The following DPP10 variants were observed in gnomAD, a reference collection of about 807,000 sequenced individuals.
DPP10 encodes the protein dipeptidyl peptidase like 10, also known as inactive dipeptidyl peptidase 10.
In DPP10, 33 loss-of-function variants were observed where a neutral mutation model predicts 120.9. That is an observed-to-expected ratio of 0.27 (90% CI 0.21 to 0.37). The LOEUF is 0.37. Among genes scored for constraint, DPP10 ranks in the 10% least tolerant of loss-of-function variants. DPP10 has a pLI of 1.00. For missense variants in DPP10, 816 were observed against 942.8 expected (o/e 0.87, Z 1.76); for synonymous variants, 337 against 326.1 (o/e 1.03, Z -0.36).
chr2:115,228,813 AT>A (rs1169899564), intron 1 of DPP10, among the ~76,000 whole-genome samples: 2 of 152,114 alleles, frequency 1.3e-5, no homozygotes, highest in Non-Finnish European at 2.9e-5. Context: ...AATTTTGGCT[AT>A]TTTGAATAGG....
intron 4 of DPP10, among the ~76,000 whole-genome samples, chr2:115,510,887 CT>C (rs1306946908): frequency 6.6e-6 from 1 of 151,928 alleles, no homozygotes; most frequent in Non-Finnish European, 1.5e-5. Context: ...TATTTTATTG[CT>C]TTTGTGGCCA....
intron 1 of DPP10, among the ~76,000 whole-genome samples, chr2:115,271,658 A>G (rs1174633498): frequency 2.0e-5 from 3 of 152,186 alleles, no homozygotes; most frequent in East Asian, 1.9e-4. Context: ...GGTAAAATAT[A>G]TCTTGGAAAA....
At chr2:115,666,490 A>G (rs2089463717) in intron 5 of DPP10, among the ~76,000 whole-genome samples, 2 of 152,118 alleles carry the variant, frequency 1.3e-5, no homozygotes, top group South Asian at 2.1e-4. Flanking sequence ...CACCTGGGGA[A>G]TTGCAATTCA....
At position 115,273,802 on chromosome 2, in the gene DPP10, C is replaced by A. The variant is rs150665751; in HGVS notation, c.61-35437C>A. On this transcript the variant is annotated intron_variant, in intron 1 of 25. Transcript: ENST00000410059. Reference sequence around the variant, plus strand: ...TGGAGCCCAGTACCAAACACTGATCCTAAAGATTGAATTTGGAACGAGGCC... The same window carrying A: ...TGGAGCCCAGTACCAAACACTGATCATAAAGATTGAATTTGGAACGAGGCC... 7.9e-5 allele frequency among the ~76,000 whole-genome samples: 12 copies of A among 152,284 alleles called. No homozygotes were observed. In the East Asian group the frequency reaches 2.3e-3, roughly 29 times the overall value.
rs550576729 is a variant in DPP10, at chr2:114,559,611, C to T, written c.60+116773C>T. Among the ~76,000 whole-genome samples the T allele has an allele frequency of 3.3e-5, 5 of 152,276 alleles. 1 individual carries two copies. The highest frequency in any genetic ancestry group is 1.2e-4 in the African/African-American group (5 of 41,556). ...TGAACCCTACCCACTCTAGCTCTCTCGCCATCCCTGTTCCCTATTAGCTAG... is the reference window on the plus strand; with the variant it reads ...TGAACCCTACCCACTCTAGCTCTCTTGCCATCCCTGTTCCCTATTAGCTAG... On this transcript the variant is annotated intron_variant, in intron 1 of 25. Coordinates refer to ENST00000410059, the MANE Select transcript of DPP10 (RefSeq NM_020868.6).
chr2:115,123,206 A>G (rs1253942474), intron 1 of DPP10, among the ~76,000 whole-genome samples: 1 of 152,180 alleles, frequency 6.6e-6, no homozygotes, highest in Non-Finnish European at 1.5e-5. Context: ...TTGTAGCGGG[A>G]CCAAAAGTTT....
chr2:114,971,548 A>G (rs1036765468), intron 1 of DPP10, among the ~76,000 whole-genome samples: 1 of 152,218 alleles, frequency 6.6e-6, no homozygotes, highest in African/African-American at 2.4e-5. Flanking sequence ...ACAGAGATGT[A>G]AATGGGTGCC....
chr2:115,153,622 C>A (rs182923907), intron 1 of DPP10, among the ~76,000 whole-genome samples: 2 of 152,210 alleles, frequency 1.3e-5, no homozygotes, highest in East Asian at 3.9e-4. Context: ...CTAGCCTAAA[C>A]CCATGCTGTC....
intron 1 of DPP10, among the ~76,000 whole-genome samples, chr2:115,212,355 A>G (rs1183823182): frequency 6.6e-6 from 1 of 152,190 alleles, no homozygotes; most frequent in African/African-American, 2.4e-5. Context: ...GACATGCACC[A>G]GTGTTTCTCT....
At position 114,481,149 on chromosome 2, in the gene DPP10, AAGT is replaced by A. The variant is rs1378240211; in HGVS notation, c.60+38317_60+38319del. Among the ~76,000 whole-genome samples the A allele has an allele frequency of 3.3e-5, 5 of 152,232 alleles. No individual in the cohort carries two copies. In the East Asian group the frequency reaches 7.7e-4, roughly 24 times the overall value. On this transcript the variant is annotated intron_variant, in intron 1 of 25. Transcript: ENST00000410059. The stretch of plus-strand genomic sequence containing the variant: ...AATGTACTACATCAAACTAAAAAAA[AAGT>A]AGTAGAAGTATTTGCAAACTACGTA...
At chr2:114,690,606 C>T (rs575534632) in intron 1 of DPP10, among the ~76,000 whole-genome samples, 1 of 152,114 alleles carries the variant, frequency 6.6e-6, no homozygotes, top group African/African-American at 2.4e-5. Flanking sequence ...AATATTTTTT[C>T]TAATTCTGTG....
At chr2:115,350,186 A>G (rs891387504) in intron 3 of DPP10, among the ~76,000 whole-genome samples, 7 of 152,118 alleles carry the variant, frequency 4.6e-5, no homozygotes, top group African/African-American at 1.7e-4. Context: ...TATTTAAAAT[A>G]TTAGTGACAT....
intron 1 of DPP10, among the ~76,000 whole-genome samples, chr2:114,495,987 A>T (rs1682482043): frequency 1.3e-5 from 2 of 152,186 alleles, no homozygotes; most frequent in Admixed American, 1.3e-4. Context: ...ACTGATCCTG[A>T]TATCATTTGT....
At chr2:114,529,247 T>C (rs1685754854) in intron 1 of DPP10, among the ~76,000 whole-genome samples, 1 of 152,170 alleles carries the variant, frequency 6.6e-6, no homozygotes, top group African/African-American at 2.4e-5. Flanking sequence ...ACTCCTTTGC[T>C]ACATTTTCTT....
At chr2:114,462,035 G>A (rs2104569895) in intron 1 of DPP10, 1 of 985,356 alleles carries the variant, frequency 1.0e-6, no homozygotes, top group Admixed American at 6.1e-5. Flanking sequence ...TCGCAGTTGA[G>A]AGAAAACTGG....
At chr2:115,020,584 G>A (rs747262544) in intron 1 of DPP10, among the ~76,000 whole-genome samples, 38 of 152,156 alleles carry the variant, frequency 2.5e-4, no homozygotes, top group African/African-American at 7.2e-4. Flanking sequence ...ATACTCCACC[G>A]TCAGCACTAG....
intron 1 of DPP10, among the ~76,000 whole-genome samples, chr2:114,856,777 TG>T (rs1689403777): frequency 6.6e-6 from 1 of 152,156 alleles, no homozygotes; most frequent in Non-Finnish European, 1.5e-5. Context: ...ATCTTAGCGG[TG>T]GCCATATGGG....
chr2:115,062,432 A>G (rs573092733), intron 1 of DPP10, among the ~76,000 whole-genome samples: 1 of 152,328 alleles, frequency 6.6e-6, no homozygotes, highest in East Asian at 1.9e-4. Context: ...TTTGTTACAT[A>G]GGTAAACATG....
Position 115,814,791 on chromosome 2 carries a change from A to C in DPP10, c.1701-2A>C. ...TTTGGTCCAATATGTTGGTATTTGC[A>C]GGGATGAAGAACCAGGAGGCCAGCT... is the stretch of plus-strand genomic sequence containing the variant. On this transcript the variant is annotated splice_acceptor_variant, in intron 19 of 25. Transcript: ENST00000410059. LOFTEE classifies it high-confidence loss of function. The C allele has an allele frequency of 1.3e-6, 2 of 1,534,636 alleles. No individual in the cohort carries two copies. The highest frequency in any genetic ancestry group is 1.8e-6 in the Non-Finnish European group (2 of 1,125,882).
Sources: gnomAD v4.1 joint callset for allele counts (sites outside exome capture counted in the v4.1 genomes callset) on GRCh38, gnomAD v4.1.1 for gene constraint, MANE v1.5 for transcripts, NCBI Gene and HGNC (gene_info 2026-07-23, HGNC 2026-07-21) for gene names.